Variants in CAST observed in about 807,000 individuals in gnomAD.
CAST encodes the protein MIR583 host.
Under a neutral mutation model 119.6 loss-of-function variants are expected in CAST, and 76 were observed. That is an observed-to-expected ratio of 0.64 (90% CI 0.53 to 0.77). CAST has a LOEUF of 0.77. Ranked by LOEUF, CAST falls within the 30% of genes least tolerant of loss-of-function variation. The probability of loss-of-function intolerance (pLI) is 0.00; values close to 1 mark genes in which losing one functional copy is unlikely to be tolerated. For missense variants in CAST, 953 were observed against 946.5 expected (o/e 1.01, Z -0.09); for synonymous variants, 319 against 331.6 (o/e 0.96, Z 0.41).
chr5:96,016,323 T>C, the CAST span, among the ~76,000 whole-genome samples: 1 of 152,374 alleles, frequency 6.6e-6, no homozygotes, highest in East Asian at 1.9e-4. Flanking sequence ...CAGAATGCTA[T>C]ACTCATTCTT....
At chr5:96,753,160 AT>A (rs1765523743) in intron 20 of CAST, among the ~76,000 whole-genome samples, 2 of 151,950 alleles carry the variant, frequency 1.3e-5, no homozygotes, top group Admixed American at 1.3e-4. Flanking sequence ...TGCCTGGCTA[AT>A]TTTTAAAAAC....
intron 3 of CAST, 62 bp downstream of exon 3, chr5:96,695,969 G>A (rs1753240474): frequency 1.8e-6 from 2 of 1,140,890 alleles, no homozygotes; most frequent in Non-Finnish European, 2.6e-6. Context: ...TGATTAGTGG[G>A]TGGGGCCTGT....
the CAST span, among the ~76,000 whole-genome samples, chr5:96,344,750 T>TG: frequency 6.6e-6 from 1 of 152,222 alleles, no homozygotes; most frequent in Non-Finnish European, 1.5e-5. Context: ...ACCAGGTGGA[T>TG]GGCAGGTAGG....
the CAST span, among the ~76,000 whole-genome samples, chr5:96,333,835 C>T: frequency 6.6e-6 from 1 of 152,180 alleles, no homozygotes; most frequent in African/African-American, 2.4e-5. Context: ...TTACATGCAA[C>T]CCTTAGCCTC....
At chr5:96,534,873 AAG>A (rs1745774031) in intron 1 of CAST, among the ~76,000 whole-genome samples, 1 of 23,440 alleles carries the variant, frequency 4.3e-5, no homozygotes, top group Admixed American at 6.9e-4. Context: ...AGGAAGGAGA[AAG>A]AAAGAAAAGA....
chr5:96,726,451 C>T (rs1759260451), intron 4 of CAST, among the ~76,000 whole-genome samples: 1 of 152,102 alleles, frequency 6.6e-6, no homozygotes, highest in South Asian at 2.1e-4. Context: ...CTTTCCGTTA[C>T]ATCTGTGACT....
chr5:96,648,717 C>CGTGTGTGTGTGTGTGTGTGT (rs72068689), intron 1 of CAST, among the ~76,000 whole-genome samples: 35 of 148,912 alleles, frequency 2.4e-4, no homozygotes, highest in African/African-American at 8.7e-4. Context: ...TATATATATG[C>CGTGTGTGTGTGTGTGTGTGT]GTGTGTGTGT....
chr5:96,085,894 G>A, the CAST span, among the ~76,000 whole-genome samples: 1 of 152,190 alleles, frequency 6.6e-6, no homozygotes, highest in Non-Finnish European at 1.5e-5. Flanking sequence ...TGTTGGCAAT[G>A]TCTCTGGATT....
intron 31 of CAST, 67 bp downstream of exon 31, chr5:96,771,769 A>T: frequency 1.1e-6 from 1 of 938,232 alleles, no homozygotes; most frequent in South Asian, 1.4e-5. Context: ...GTTATAGATG[A>T]GAGAAGTGAA....
chr5:96,616,725 GCTCGCT>G (rs1228142552), intron 1 of CAST, among the ~76,000 whole-genome samples: 151 of 138,348 alleles, frequency 1.1e-3, no homozygotes, highest in African/African-American at 4.3e-3. Flanking sequence ...CCAAGCGCTC[GCTCGCT>G]CTCTCTCTCT....
chr5:96,269,947 C>T, the CAST span, among the ~76,000 whole-genome samples: 1 of 152,138 alleles, frequency 6.6e-6, no homozygotes, highest in African/African-American at 2.4e-5. Context: ...AAAAAGAAAA[C>T]TACAGGCCAA....
At chr5:96,721,806 C>CAT (rs1464629066) in intron 3 of CAST, among the ~76,000 whole-genome samples, 2 of 152,174 alleles carry the variant, frequency 1.3e-5, no homozygotes, top group Admixed American at 6.5e-5. Flanking sequence ...TCCACACACA[C>CAT]ATCCCAGTAC....
chr5:96,414,928 G>T, the CAST span, among the ~76,000 whole-genome samples: 1 of 152,136 alleles, frequency 6.6e-6, no homozygotes, highest in Non-Finnish European at 1.5e-5. Flanking sequence ...ATGTCACGAT[G>T]TATATTTATT....
chr5:96,448,959 AC>A, the CAST span, among the ~76,000 whole-genome samples: 1 of 152,024 alleles, frequency 6.6e-6, no homozygotes, highest in Admixed American at 6.5e-5. Context: ...TAGATCAATT[AC>A]TTCTGCTAGG....
chr5:95,971,918 G>A, the CAST span, among the ~76,000 whole-genome samples: 2 of 150,326 alleles, frequency 1.3e-5, no homozygotes, highest in East Asian at 3.9e-4. Context: ...TTCACAAATG[G>A]TTTTTATGTA....
the CAST span, among the ~76,000 whole-genome samples, chr5:96,468,680 TGAA>T: frequency 6.6e-6 from 1 of 152,120 alleles, no homozygotes; most frequent in Non-Finnish European, 1.5e-5. Flanking sequence ...TTAGCTAATT[TGAA>T]TATGTAGTTT....
chr5:96,482,436 G>A, the CAST span, among the ~76,000 whole-genome samples: 1 of 151,468 alleles, frequency 6.6e-6, no homozygotes, highest in Admixed American at 6.6e-5. Flanking sequence ...AATGAAAATT[G>A]TCTCTTATTC....
chr5:96,081,504 G>C, the CAST span, among the ~76,000 whole-genome samples: 3 of 152,180 alleles, frequency 2.0e-5, no homozygotes, highest in Admixed American at 6.5e-5. Flanking sequence ...TGGTGTGAGA[G>C]AACAGAATGA....
chr5:96,499,291 T>C, the CAST span, among the ~76,000 whole-genome samples: 2 of 152,194 alleles, frequency 1.3e-5, no homozygotes, highest in African/African-American at 2.4e-5. Context: ...CTGGGTTTGG[T>C]TCCAGACCAC....
Sources: gnomAD v4.1 joint callset for allele counts (sites outside exome capture counted in the v4.1 genomes callset) on GRCh38, gnomAD v4.1.1 for gene constraint, MANE v1.5 for transcripts, NCBI Gene and HGNC (gene_info 2026-07-23, HGNC 2026-07-21) for gene names.